Variants in ITSN2 observed in about 807,000 individuals in gnomAD.
ITSN2 encodes the protein intersectin 2.
ITSN2 carries 156 observed loss-of-function variants against 243.7 expected under a neutral mutation model. The observed-to-expected ratio is 0.64, with a 90% CI of 0.56 to 0.73. ITSN2 has a LOEUF of 0.73. Ranked by LOEUF, ITSN2 falls within the 30% of genes least tolerant of loss-of-function variation. ITSN2 has a pLI of 0.00. For synonymous variants in ITSN2, 703 were observed against 699.9 expected, an observed-to-expected ratio of 1.00 and a Z score of -0.07; for missense variants, 1,801 against 1,996.1, an observed-to-expected ratio of 0.90 and a Z score of 1.86.
intron 30 of ITSN2, chr2:24,220,384 A>G: frequency 2.0e-6 from 2 of 984,322 alleles, no homozygotes; most frequent in Non-Finnish European, 2.4e-6. Flanking sequence ...CTACTCGAAT[A>G]AGGATAGCTG....
intron 36 of ITSN2, 72 bp downstream of exon 36, chr2:24,209,028 G>A (rs757281822): frequency 5.1e-6 from 8 of 1,560,066 alleles, no homozygotes; most frequent in Admixed American, 1.7e-5. Flanking sequence ...GCTGGAGATG[G>A]GTTTATGGCA....
At chr2:24,241,480 A>T (rs1672723996) in intron 29 of ITSN2, 1 of 152,588 alleles carries the variant, frequency 6.6e-6, no homozygotes, top group African/African-American at 2.4e-5. Flanking sequence ...TTGGGACTGG[A>T]ACAAATGAAA....
intron 29 of ITSN2, chr2:24,240,067 C>G (rs892788305): frequency 2.6e-5 from 4 of 151,968 alleles, no homozygotes; most frequent in Non-Finnish European, 4.4e-5. Context: ...TATAAAAATA[C>G]GTTTGAAATA....
At chr2:24,350,311 A>G (rs950267329) in intron 1 of ITSN2, among the ~76,000 whole-genome samples, 1 of 152,206 alleles carries the variant, frequency 6.6e-6, no homozygotes, top group Admixed American at 6.5e-5. Context: ...TGTGATTCTG[A>G]GTAATGGCTC....
intron 29 of ITSN2, among the ~76,000 whole-genome samples, chr2:24,224,873 G>C (rs1198778496): frequency 6.6e-6 from 1 of 152,184 alleles, no homozygotes; most frequent in Non-Finnish European, 1.5e-5. Flanking sequence ...CAAGTGCTCT[G>C]CCCATCTCGG....
At chr2:24,317,601 T>C (rs1684083619) in intron 2 of ITSN2, among the ~76,000 whole-genome samples, 2 of 152,226 alleles carry the variant, frequency 1.3e-5, no homozygotes, top group Non-Finnish European at 2.9e-5. Flanking sequence ...CTGCTGCCAA[T>C]GACCCAGCTG....
Position 24,204,619 on chromosome 2 carries a change from G to C in ITSN2, c.4763-201C>G. On this transcript the variant is annotated intron_variant, in intron 38 of 39. Coordinates refer to ENST00000355123, the MANE Select transcript of ITSN2 (RefSeq NM_006277.3). This position sits in a 1 kb window ranked among gnomAD's most constrained non-coding sequence, Gnocchi z 5.1. ...CCCAGTGCTGACAGCAGCATTAACT[G>C]GGGAGTGGCCGAGAGCTCCACCGCC... 1.5e-6 allele frequency: 1 copy of C among 665,218 alleles called. No individual in the cohort carries two copies. 41.2% of individuals were successfully genotyped at this position (665,218 alleles called of 1,614,324 possible).
At chr2:24,286,625 C>T (rs1487751809) in intron 15 of ITSN2, among the ~76,000 whole-genome samples, 1 of 152,182 alleles carries the variant, frequency 6.6e-6, no homozygotes, top group Non-Finnish European at 1.5e-5. Context: ...AGATGCTTCA[C>T]CAATCGAATC....
At chr2:24,245,273 T>A (rs894492246) in intron 29 of ITSN2, among the ~76,000 whole-genome samples, 1 of 152,158 alleles carries the variant, frequency 6.6e-6, no homozygotes, top group Non-Finnish European at 1.5e-5. Context: ...TAGACCTTGA[T>A]TGATACATCC....
Position 24,248,743 on chromosome 2 carries a change from A to C in ITSN2, c.3174T>G (p.Ala1058=). ...SGASNKKPEI[A]QVTSAYVASG... is the part of the protein sequence containing the mutation. ...AAGCAACATATGCTGAAGTTACCTG[A>C]GCAATCTCTGAAAAGACAAAGAAGA... The change falls in exon 27 of 40, where the codon GCT becomes GCG. Residue 1058 remains alanine, a synonymous_variant. Coordinates refer to ENST00000355123, the MANE Select transcript of ITSN2 (RefSeq NM_006277.3). 1.2e-6 allele frequency: 2 copies of C among 1,613,506 alleles called. No individual in the cohort carries two copies. The highest frequency in any genetic ancestry group is 1.1e-5 in the South Asian group (1 of 90,984).
chr2:24,360,918 T>C (rs1305614948), upstream of ITSN2, among the ~76,000 whole-genome samples: 1 of 152,240 alleles, frequency 6.6e-6, no homozygotes, highest in Non-Finnish European at 1.5e-5. Flanking sequence ...GGGTTCTCCC[T>C]GGAACCTTCT....
chr2:24,329,124 T>C (rs1685495638), intron 1 of ITSN2, among the ~76,000 whole-genome samples: 2 of 152,344 alleles, frequency 1.3e-5, no homozygotes, highest in South Asian at 4.1e-4. Context: ...ACATAGGGTG[T>C]TCAACAAATG....
At chr2:24,226,232 C>A (rs1222140092) in intron 29 of ITSN2, among the ~76,000 whole-genome samples, 1 of 152,158 alleles carries the variant, frequency 6.6e-6, no homozygotes. Flanking sequence ...CCATTTCTCA[C>A]CTTTTCCCTG....
At chr2:24,330,298 C>G (rs2151851293) in intron 1 of ITSN2, 1 of 390,182 alleles carries the variant, frequency 2.6e-6, no homozygotes. Context: ...AAATAGAGAG[C>G]AACGTGAAGA....
At chr2:24,303,624 G>T (rs1473857249) in intron 9 of ITSN2, among the ~76,000 whole-genome samples, 175 bp downstream of exon 9, 2 of 152,160 alleles carry the variant, frequency 1.3e-5, no homozygotes, top group African/African-American at 4.8e-5. Flanking sequence ...ACAACATTCT[G>T]CACAATTACA....
intron 1 of ITSN2, chr2:24,330,651 G>T: frequency 1.4e-6 from 1 of 735,960 alleles, no homozygotes; most frequent in Non-Finnish European, 2.5e-6. Context: ...ACAGAAAGCT[G>T]AAAGTGCTGG....
Position 24,272,424 on chromosome 2 carries a change from C to CTT in ITSN2, c.2082-485_2082-484dup, listed in dbSNP as rs528083155. Reference sequence around the variant, plus strand: ...GAAATGCTTCTAGAAAAACAACCTACTTTTTTTTTTTTTTTTTTTTTTAAA... The same window carrying CTT: ...GAAATGCTTCTAGAAAAACAACCTACTTTTTTTTTTTTTTTTTTTTTTTTAAA... On this transcript the variant is annotated intron_variant, in intron 18 of 39. Coordinates refer to ENST00000355123, the MANE Select transcript of ITSN2 (RefSeq NM_006277.3). Among the ~76,000 whole-genome samples the CTT allele has an allele frequency of 2.0e-3, 243 of 123,388 alleles. 1 individual carries two copies. The highest frequency in any genetic ancestry group is 6.4e-3 in the African/African-American group (206 of 31,984). 80.9% of individuals were successfully genotyped at this position (123,388 alleles called of 152,430 possible).
At chr2:24,260,603 G>A (rs758548211) in intron 22 of ITSN2, among the ~76,000 whole-genome samples, 35 of 152,064 alleles carry the variant, frequency 2.3e-4, no homozygotes, top group Non-Finnish European at 4.1e-4. Context: ...TGGTATTATG[G>A]AAAAGAATTG....
intron 8 of ITSN2, among the ~76,000 whole-genome samples, chr2:24,304,205 C>A (rs1188527579): frequency 1.3e-5 from 2 of 152,196 alleles, no homozygotes; most frequent in Non-Finnish European, 2.9e-5. Flanking sequence ...CCAGCAGGTG[C>A]AGCACTTCCC....
Sources: gnomAD v4.1 joint callset for allele counts (sites outside exome capture counted in the v4.1 genomes callset) on GRCh38, gnomAD v4.1.1 for gene constraint, Gnocchi (gnomAD v3.1) non-coding constraint, MANE v1.5 for transcripts, NCBI Gene and HGNC (gene_info 2026-07-23, HGNC 2026-07-21) for gene names.